Variants in TLK2 observed in about 807,000 individuals in gnomAD.
TLK2 encodes tousled like kinase 2, also known as serine/threonine-protein kinase tousled-like 2.
Under a neutral mutation model 117.3 loss-of-function variants are expected in TLK2, and 6 were observed. The observed-to-expected ratio is 0.05, with a 90% CI of 0.03 to 0.10. TLK2 has a LOEUF of 0.10. Ranked by LOEUF, TLK2 falls within the 10% of genes least tolerant of loss-of-function variation. TLK2 has a pLI of 1.00. For missense variants in TLK2, 299 were observed against 901.2 expected, an observed-to-expected ratio of 0.33 and a Z score of 8.56; for synonymous variants, 257 against 316.7, an observed-to-expected ratio of 0.81 and a Z score of 2.00.
intron 2 of TLK2, among the ~76,000 whole-genome samples, chr17:62,488,279 A>T (rs1295935196): frequency 2.0e-5 from 3 of 152,214 alleles, no homozygotes; most frequent in South Asian, 4.1e-4. Context: ...AGTCTGATAC[A>T]TCACATTATA....
intron 2 of TLK2, chr17:62,516,758 G>C: frequency 6.4e-7 from 1 of 1,560,656 alleles, no homozygotes; most frequent in Non-Finnish European, 8.8e-7. Context: ...TTCTTCTTAG[G>C]CATCAACATC....
At chr17:62,517,464 A>G (rs893695780) in intron 2 of TLK2, among the ~76,000 whole-genome samples, 15 of 151,944 alleles carry the variant, frequency 9.9e-5, no homozygotes, top group Non-Finnish European at 7.4e-5. Flanking sequence ...GCGCGATCTC[A>G]GCTCACTGCA....
At chr17:62,548,885 C>T (rs570311701) in intron 7 of TLK2, among the ~76,000 whole-genome samples, 7 of 150,702 alleles carry the variant, frequency 4.6e-5, no homozygotes, top group African/African-American at 1.2e-4. Context: ...TATAGGCACC[C>T]GCCCCCACGC....
intron 11 of TLK2, among the ~76,000 whole-genome samples, chr17:62,570,681 A>C (rs766557076): frequency 2.3e-4 from 35 of 152,182 alleles, no homozygotes; most frequent in Non-Finnish European, 8.8e-5. Flanking sequence ...TTTCATGTTC[A>C]AACTTTCGTT....
chr17:62,534,803 G>A (rs749073545), intron 6 of TLK2, among the ~76,000 whole-genome samples: 4 of 148,944 alleles, frequency 2.7e-5, no homozygotes, highest in Non-Finnish European at 4.4e-5. Context: ...AGGGTCTCCA[G>A]TCTTAGCACC....
chr17:62,496,433 G>T (rs1567791307), intron 2 of TLK2, among the ~76,000 whole-genome samples: 1 of 152,098 alleles, frequency 6.6e-6, no homozygotes, highest in Non-Finnish European at 1.5e-5. Context: ...ATCCCTAGAA[G>T]TGGAATTGCT....
intron 7 of TLK2, among the ~76,000 whole-genome samples, chr17:62,549,442 AAC>A (rs1472527511): frequency 6.8e-6 from 1 of 146,178 alleles, no homozygotes; most frequent in East Asian, 2.0e-4. Flanking sequence ...AAAAAATAGA[AAC>A]ACATTGTAAA....
At chr17:62,488,183 C>T (rs1311051322) in intron 2 of TLK2, among the ~76,000 whole-genome samples, 1 of 152,190 alleles carries the variant, frequency 6.6e-6, no homozygotes, top group African/African-American at 2.4e-5. Flanking sequence ...GTTCACCCGC[C>T]TTGGCCTCCC....
intron 2 of TLK2, among the ~76,000 whole-genome samples, chr17:62,482,683 C>T (rs2071825852): frequency 6.6e-6 from 1 of 152,114 alleles, no homozygotes; most frequent in African/African-American, 2.4e-5. Flanking sequence ...AACTCCTGAC[C>T]TCCAGTGATC....
chr17:62,537,588 A>G (rs1056846417), intron 7 of TLK2, among the ~76,000 whole-genome samples: 2 of 152,082 alleles, frequency 1.3e-5, no homozygotes, highest in African/African-American at 4.8e-5. Flanking sequence ...TGTGTGTGCA[A>G]CAGAATGGCT....
intron 9 of TLK2, among the ~76,000 whole-genome samples, chr17:62,558,120 G>A (rs2078995612): frequency 6.6e-6 from 1 of 151,282 alleles, no homozygotes; most frequent in Admixed American, 6.6e-5. Context: ...TAAGATGTTG[G>A]GTATGGCTGC....
At chr17:62,524,414 T>C (rs2036558791) in intron 6 of TLK2, 83 bp downstream of exon 6, 19 of 1,408,040 alleles carry the variant, frequency 1.3e-5, no homozygotes, top group Non-Finnish European at 1.7e-5. Context: ...TCTCTTTCAT[T>C]AATTACCCAC....
At chr17:62,502,956 A>G (rs1371989943) in intron 2 of TLK2, among the ~76,000 whole-genome samples, 1 of 152,200 alleles carries the variant, frequency 6.6e-6, no homozygotes. Flanking sequence ...ATAGTAGTGA[A>G]TAAAAACATT....
intron 2 of TLK2, among the ~76,000 whole-genome samples, chr17:62,500,484 A>G (rs1203545471): frequency 6.6e-6 from 1 of 152,226 alleles, no homozygotes; most frequent in Non-Finnish European, 1.5e-5. Flanking sequence ...AGTGGAAGCA[A>G]AAACTGACAG....
chr17:62,611,268 TTG>T (rs2083738510), intron 21 of TLK2, among the ~76,000 whole-genome samples: 1 of 152,262 alleles, frequency 6.6e-6, no homozygotes, highest in African/African-American at 2.4e-5. Context: ...TTTCTATGAA[TTG>T]TTTTTATCTT....
At chr17:62,603,964 T>C (rs2083061935) in intron 19 of TLK2, among the ~76,000 whole-genome samples, 1 of 146,684 alleles carries the variant, frequency 6.8e-6, no homozygotes, top group South Asian at 2.2e-4. Flanking sequence ...TCTTCTACAT[T>C]GAATACTTTA....
chr17:62,567,173 G>A (rs989275951), intron 11 of TLK2, among the ~76,000 whole-genome samples: 1 of 152,168 alleles, frequency 6.6e-6, no homozygotes, highest in Non-Finnish European at 1.5e-5. Flanking sequence ...GGTGAGTCAT[G>A]CAGTGAGCCG....
intron 11 of TLK2, among the ~76,000 whole-genome samples, chr17:62,572,584 G>A (rs2080396948): frequency 6.6e-6 from 1 of 152,108 alleles, no homozygotes; most frequent in Non-Finnish European, 1.5e-5. Context: ...TATTCCCTAA[G>A]GAGTTCTTAC....
At chr17:62,503,814 C>A (rs1037065209) in intron 2 of TLK2, among the ~76,000 whole-genome samples, 3 of 151,730 alleles carry the variant, frequency 2.0e-5, no homozygotes, top group African/African-American at 7.3e-5. Flanking sequence ...CTGCAGCCTC[C>A]CCCTCCCAGG....
Sources: gnomAD v4.1 joint callset for allele counts (sites outside exome capture counted in the v4.1 genomes callset) on GRCh38, gnomAD v4.1.1 for gene constraint, MANE v1.5 for transcripts, NCBI Gene and HGNC (gene_info 2026-07-23, HGNC 2026-07-21) for gene names.